TNKS: variants seen among roughly 807,000 people sequenced by gnomAD.
The protein encoded by TNKS is poly [ADP-ribose] polymerase tankyrase-1.
TNKS carries 72 observed loss-of-function variants against 135.8 expected under a neutral mutation model. That is an observed-to-expected ratio of 0.53 (90% CI 0.44 to 0.64). The LOEUF is 0.64. Among genes scored for constraint, TNKS ranks in the 30% least tolerant of loss-of-function variants. TNKS has a pLI of 0.00. For missense variants in TNKS, 1,769 were observed against 1,674.0 expected (o/e 1.06, Z -0.99); for synonymous variants, 849 against 649.3 (o/e 1.31, Z -4.68).
chr8:9,657,805 G>T (rs1801479512), intron 3 of TNKS, among the ~76,000 whole-genome samples: 1 of 150,886 alleles, frequency 6.6e-6, no homozygotes, highest in Non-Finnish European at 1.5e-5. Flanking sequence ...CCTCCCGGAT[G>T]GGGCGGCTGC....
intron 25 of TNKS, among the ~76,000 whole-genome samples, chr8:9,769,384 T>C (rs187572734): frequency 9.9e-4 from 151 of 152,328 alleles, no homozygotes; most frequent in African/African-American, 3.5e-3. Flanking sequence ...TTTTCAGCCA[T>C]ACATTTAAGC....
intron 20 of TNKS, among the ~76,000 whole-genome samples, chr8:9,756,273 A>G (rs2128830768): frequency 6.6e-6 from 1 of 152,206 alleles, no homozygotes; most frequent in South Asian, 2.1e-4. Flanking sequence ...CTGCTGTACC[A>G]TACAACCTTT....
rs545972734 is a variant in TNKS, at chr8:9,607,149, A to G, written c.899-8433A>G. 4.6e-5 allele frequency among the ~76,000 whole-genome samples: 7 copies of G among 152,314 alleles called. No individual in the cohort carries two copies. The East Asian group carries it at 1.2e-3, about 25-fold the overall frequency. ...AAAAAGAAGTTTAAAAAATTATTTC[A>G]TTTAGCAAATAGCAAGCTTACTGCA... On this transcript the variant is annotated intron_variant, in intron 2 of 26. Transcript: ENST00000310430.
intron 3 of TNKS, among the ~76,000 whole-genome samples, chr8:9,649,878 CTTTTTTTTTTTTTTTTTTTTTTT>C (rs71201959): frequency 1.2e-5 from 1 of 83,364 alleles, no homozygotes; most frequent in Non-Finnish European, 2.2e-5. Flanking sequence ...CTTTTCTTTT[CTTTTTTTTTTTTTTTTTTTTTTT>C]TTTTTTGAGA....
chr8:9,726,466 G>T (rs192114712), intron 12 of TNKS, among the ~76,000 whole-genome samples, 175 bp from the exon 13 acceptor site: 43 of 152,270 alleles, frequency 2.8e-4, no homozygotes, highest in African/African-American at 9.1e-4. Context: ...CCCTAGGTTT[G>T]TATAACAAAT....
chr8:9,771,241 AGGAG>A (rs1248932302), intron 26 of TNKS, among the ~76,000 whole-genome samples: 6 of 107,782 alleles, frequency 5.6e-5, no homozygotes, highest in South Asian at 3.7e-4. Flanking sequence ...GAGCGAGGAA[AGGAG>A]GGAGGGAGGA....
chr8:9,714,308 T>G (rs535774983), intron 11 of TNKS, among the ~76,000 whole-genome samples: 32 of 147,484 alleles, frequency 2.2e-4, no homozygotes, highest in Non-Finnish European at 3.9e-4. Flanking sequence ...ATCAGTGATA[T>G]GTGAAGCAAC....
intron 2 of TNKS, among the ~76,000 whole-genome samples, chr8:9,584,794 A>G (rs900159644): frequency 4.6e-5 from 7 of 152,234 alleles, no homozygotes; most frequent in Non-Finnish European, 1.0e-4. Context: ...TGAAGGAGAC[A>G]GAGTATGTTC....
chr8:9,611,145 A>G (rs1799444624), intron 2 of TNKS, among the ~76,000 whole-genome samples: 1 of 152,140 alleles, frequency 6.6e-6, no homozygotes, highest in African/African-American at 2.4e-5. Context: ...CAGCTGCTAC[A>G]TTTTCTCCGC....
intron 13 of TNKS, among the ~76,000 whole-genome samples, chr8:9,729,639 A>G (rs1430461686): frequency 1.3e-5 from 2 of 152,174 alleles, no homozygotes; most frequent in African/African-American, 2.4e-5. Flanking sequence ...TTTGACAAGG[A>G]TAACTCACTT....
intron 1 of TNKS, among the ~76,000 whole-genome samples, chr8:9,559,308 A>G (rs1176752209): frequency 3.3e-5 from 5 of 152,286 alleles, no homozygotes; most frequent in Admixed American, 3.3e-4. Context: ...TTGTAGGTAG[A>G]TTTTTTTAAA....
At chr8:9,560,767 C>T (rs1286789430) in intron 1 of TNKS, among the ~76,000 whole-genome samples, 1 of 151,812 alleles carries the variant, frequency 6.6e-6, no homozygotes, top group Admixed American at 6.6e-5. Flanking sequence ...TCATAAATAT[C>T]TTCCCAGACT....
intron 3 of TNKS, among the ~76,000 whole-genome samples, chr8:9,659,591 T>A (rs1345791830): frequency 6.6e-6 from 1 of 151,726 alleles, no homozygotes; most frequent in Non-Finnish European, 1.5e-5. Context: ...AAGCAGTGTG[T>A]AGAGGGAAAT....
chr8:9,641,204 A>G (rs1800716563), intron 3 of TNKS, among the ~76,000 whole-genome samples: 1 of 145,672 alleles, frequency 6.9e-6, no homozygotes, highest in Non-Finnish European at 1.5e-5. Flanking sequence ...GATATTTCTT[A>G]AGGTGCAAAT....
intron 3 of TNKS, among the ~76,000 whole-genome samples, chr8:9,650,710 G>A (rs1801117111): frequency 6.6e-6 from 1 of 152,038 alleles, no homozygotes; most frequent in African/African-American, 2.4e-5. Context: ...CTAGATGTTA[G>A]TTAGTCATCT....
chr8:9,569,801 C>G (rs1797690881), intron 1 of TNKS, among the ~76,000 whole-genome samples: 3 of 151,886 alleles, frequency 2.0e-5, no homozygotes, highest in African/African-American at 7.3e-5. Context: ...TTTCTTTTGC[C>G]TTTTGGTGTC....
chr8:9,629,113 C>T (rs1006369487), intron 3 of TNKS, among the ~76,000 whole-genome samples: 3 of 152,190 alleles, frequency 2.0e-5, no homozygotes, highest in Non-Finnish European at 4.4e-5. Context: ...AGTCTGTAGG[C>T]TGGTTTCAAT....
chr8:9,733,560 T>C (rs1805547909), intron 15 of TNKS, 116 bp downstream of exon 15: 3 of 812,080 alleles, frequency 3.7e-6, no homozygotes, highest in Non-Finnish European at 3.8e-6. Flanking sequence ...TAGAGACTGC[T>C]CTCATTTTCT....
At chr8:9,684,454 C>G (rs1423331149) in intron 5 of TNKS, among the ~76,000 whole-genome samples, 1 of 151,958 alleles carries the variant, frequency 6.6e-6, no homozygotes, top group African/African-American at 2.4e-5. Flanking sequence ...TGTGGTTCCT[C>G]TCTGTGTTAT....
Sources: gnomAD v4.1 joint callset for allele counts (sites outside exome capture counted in the v4.1 genomes callset) on GRCh38, gnomAD v4.1.1 for gene constraint, MANE v1.5 for transcripts, NCBI Gene and HGNC (gene_info 2026-07-23, HGNC 2026-07-21) for gene names.